RNF220: variants seen among roughly 807,000 people sequenced by gnomAD.
RNF220 encodes ring finger protein 220.
A neutral mutation model predicts 67.1 loss-of-function variants in RNF220; 7 were observed. The observed-to-expected ratio is 0.10, with a 90% confidence interval of 0.06 to 0.20. The LOEUF (loss-of-function observed/expected upper bound fraction) is 0.20. Among genes scored for constraint, RNF220 ranks in the 10% least tolerant of loss-of-function variants. The probability of loss-of-function intolerance (pLI) is 1.00; values close to 1 mark genes in which losing one functional copy is unlikely to be tolerated. For synonymous variants in RNF220, 270 were observed against 283.2 expected, an observed-to-expected ratio of 0.95 and a Z score of 0.47; for missense variants, 565 against 740.3, an observed-to-expected ratio of 0.76 and a Z score of 2.75.
chr1:44,610,974 G>C (rs1207729199), intron 2 of RNF220, among the ~76,000 whole-genome samples: 1 of 152,178 alleles, frequency 6.6e-6, no homozygotes, highest in Non-Finnish European at 1.5e-5. Flanking sequence ...TGTATTCTGG[G>C]AATTATGCAA....
chr1:44,469,109 T>C (rs1426871137), intron 2 of RNF220, among the ~76,000 whole-genome samples: 3 of 152,070 alleles, frequency 2.0e-5, no homozygotes, highest in Non-Finnish European at 2.9e-5. Context: ...GAAATATAAA[T>C]GGCCAATAAT....
intron 6 of RNF220, 68 bp downstream of exon 6, chr1:44,632,453 C>A (rs975973486): frequency 2.0e-6 from 3 of 1,464,798 alleles, no homozygotes; most frequent in Admixed American, 2.0e-5. Context: ...CACTGCCTGC[C>A]GCTCCTGGCT....
At chr1:44,620,770 T>C (rs946179404) in intron 3 of RNF220, among the ~76,000 whole-genome samples, 1 of 152,132 alleles carries the variant, frequency 6.6e-6, no homozygotes, top group African/African-American at 2.4e-5. Context: ...ATGTTATGTG[T>C]GTTGTGCATC....
chr1:44,503,846 C>T (rs556480770), intron 2 of RNF220, among the ~76,000 whole-genome samples: 2 of 151,972 alleles, frequency 1.3e-5, no homozygotes, highest in Admixed American at 6.6e-5. Flanking sequence ...CCCAGCCATC[C>T]GTGGGTTGTT....
intron 2 of RNF220, among the ~76,000 whole-genome samples, chr1:44,425,978 T>C (rs1557913231): frequency 6.6e-6 from 1 of 152,176 alleles, no homozygotes; most frequent in East Asian, 1.9e-4. Context: ...CGCAGCACTA[T>C]TTTTCTAGGT....
chr1:44,420,930 T>G (rs1048865851), intron 2 of RNF220, among the ~76,000 whole-genome samples: 2 of 152,226 alleles, frequency 1.3e-5, no homozygotes, highest in East Asian at 1.9e-4. Context: ...AGCATTGATG[T>G]AGCCAAACAC....
rs548522328 is a variant in RNF220, at chr1:44,445,563, T to C, written c.625+32841T>C. On this transcript the variant is annotated intron_variant, in intron 2 of 14. Coordinates refer to ENST00000361799, the MANE Select transcript of RNF220 (RefSeq NM_018150.4). ...CATCTCTACCAATGCTTGTTGCTCC[T>C]TAAACACATAAAATTGTTTTACACT... Among the ~76,000 whole-genome samples, 220 of 152,280 alleles carry C rather than the reference T, an allele frequency of 1.4e-3. 2 individuals are homozygous for C. In the South Asian group the frequency reaches 0.019, roughly 13 times the overall value.
At chr1:44,498,007 C>G (rs1327528167) in intron 2 of RNF220, among the ~76,000 whole-genome samples, 2 of 152,198 alleles carry the variant, frequency 1.3e-5, no homozygotes, top group Admixed American at 6.5e-5. Context: ...CCTGGCCTGG[C>G]CAAGTAGGCT....
Position 44,614,180 on chromosome 1 carries a change from C to T in RNF220, c.641C>T (p.Ala214Val), listed in dbSNP as rs374722047. The T allele has an allele frequency of 4.3e-5, 69 of 1,614,048 alleles. No homozygotes were observed. Among genetic ancestry groups the T allele is most frequent in the Non-Finnish European group, 5.4e-5 (64 of 1,180,002 alleles). ...CCCTCACTAGGTAAGAAGAAAGCAG[C>T]GGCATTGTTCGACAGCCAGGCCCCA... ...DRNDRCKKKA[A>V]ALFDSQAPIC... Residue 214 changes from alanine (A) to valine (V), a missense_variant, in exon 3 of 15, where the codon GCG (alanine) becomes GTG (valine). Transcript: ENST00000361799.
intron 2 of RNF220, among the ~76,000 whole-genome samples, chr1:44,582,216 G>A (rs1178689457): frequency 2.0e-5 from 3 of 152,184 alleles, no homozygotes; most frequent in African/African-American, 4.8e-5. Context: ...TGAGGGGAAC[G>A]GGAAAGAGAT....
intron 12 of RNF220, among the ~76,000 whole-genome samples, chr1:44,648,099 T>C (rs1357525831): frequency 2.6e-5 from 4 of 152,232 alleles, no homozygotes; most frequent in Non-Finnish European, 4.4e-5. Flanking sequence ...CTGTTTCTGC[T>C]GTTCCCTTGG....
intron 8 of RNF220, among the ~76,000 whole-genome samples, chr1:44,642,829 C>T (rs1014434831): frequency 1.3e-5 from 2 of 152,156 alleles, no homozygotes; most frequent in Admixed American, 1.3e-4. Context: ...AGATGTGAGG[C>T]CAGCTGCTGA....
At chr1:44,433,382 T>C (rs1175118527) in intron 2 of RNF220, among the ~76,000 whole-genome samples, 1 of 152,218 alleles carries the variant, frequency 6.6e-6, no homozygotes, top group Admixed American at 6.5e-5. Context: ...TCAGTTGAGC[T>C]TCCACAGGAA....
rs548731919 is a variant in RNF220, at chr1:44,621,367, A to T, written c.759-1375A>T. Among the ~76,000 whole-genome samples, 110 of 152,260 alleles carry T rather than the reference A, an allele frequency of 7.2e-4. No individual in the cohort carries two copies. The highest frequency in any genetic ancestry group is 2.5e-3 in the African/African-American group (103 of 41,542). The stretch of plus-strand genomic sequence containing the variant: ...TATGGGTATATATGTGTGCGCCTTT[A>T]TACCAGGGTTTCTCAACCTCGGCAC... On this transcript the variant is annotated intron_variant, in intron 3 of 14. Coordinates refer to ENST00000361799, the MANE Select transcript of RNF220 (RefSeq NM_018150.4). This position sits in a 1 kb window ranked among gnomAD's most constrained non-coding sequence, Gnocchi z 4.8.
Position 44,605,155 on chromosome 1 carries a change from C to T in RNF220, c.626-9010C>T, listed in dbSNP as rs143984351. Among the ~76,000 whole-genome samples, 79 of 152,054 alleles carry T rather than the reference C, an allele frequency of 5.2e-4. No individual in the cohort carries two copies. The South Asian group carries it at 0.012, about 23-fold the overall frequency. On this transcript the variant is annotated intron_variant, in intron 2 of 14. Transcript: ENST00000361799. ...CTCTACTAAAAATACAAAAATTACCCGAGTGTGGTGGTGGGCACCTATAGT... is the reference window on the plus strand; with the variant it reads ...CTCTACTAAAAATACAAAAATTACCTGAGTGTGGTGGTGGGCACCTATAGT...
chr1:44,592,232 T>A (rs1666169467), intron 2 of RNF220, among the ~76,000 whole-genome samples: 1 of 152,300 alleles, frequency 6.6e-6, no homozygotes, highest in Admixed American at 6.5e-5. Context: ...GCAGCACCAC[T>A]CTGTGCTTAG....
rs894020963 is a variant in RNF220, at chr1:44,650,689, C to G, written c.1630-15C>G. The stretch of plus-strand genomic sequence containing the variant: ...CTCATTGTGTAGACCAGAGCCCTCC[C>G]TGTTCTCCCTGCAGGGTGCCAAGAA... On this transcript the variant is annotated splice_polypyrimidine_tract_variant and intron_variant, in intron 14 of 14. Transcript: ENST00000361799. This position sits in a 1 kb window ranked among gnomAD's most constrained non-coding sequence, Gnocchi z 4.3. 22 of 1,613,730 alleles carry G rather than the reference C, an allele frequency of 1.4e-5. No homozygotes were observed. The African/African-American group carries it at 1.9e-4, about 14-fold the overall frequency.
intron 2 of RNF220, among the ~76,000 whole-genome samples, chr1:44,599,587 G>T (rs1248601433): frequency 6.6e-6 from 1 of 152,202 alleles, no homozygotes; most frequent in Non-Finnish European, 1.5e-5. Context: ...GAGCCCAGCA[G>T]TGGAAATTGC....
At chr1:44,575,559 T>C (rs944000251) in intron 2 of RNF220, among the ~76,000 whole-genome samples, 4 of 152,098 alleles carry the variant, frequency 2.6e-5, no homozygotes, top group African/African-American at 9.7e-5. Context: ...ATGCTGAGCA[T>C]CACTAATCAC....
Sources: allele counts gnomAD v4.1 joint callset (sites outside exome capture counted in the v4.1 genomes callset), GRCh38; gene constraint gnomAD v4.1.1; non-coding constraint Gnocchi (gnomAD v3.1); transcripts MANE v1.5; gene names NCBI Gene and HGNC (gene_info 2026-07-23, HGNC 2026-07-21).